The following UPF1 variants were observed in gnomAD, a reference collection of about 807,000 sequenced individuals.
UPF1 encodes the protein UPF1 RNA helicase and ATPase.
UPF1 carries 9 observed loss-of-function variants against 129.2 expected under a neutral mutation model. The observed-to-expected ratio is 0.07, with a 90% CI of 0.04 to 0.12. The LOEUF is 0.12. Ranked by LOEUF, UPF1 falls within the 10% of genes least tolerant of loss-of-function variation. The pLI, the probability that UPF1 is intolerant of heterozygous loss-of-function variation, is 1.00. For synonymous variants in UPF1, 649 were observed against 644.9 expected (o/e 1.01, Z -0.10); for missense variants, 788 against 1,525.3 (o/e 0.52, Z 8.05).
chr19:18,840,877 C>T (rs1256124781), intron 1 of UPF1, among the ~76,000 whole-genome samples: 1 of 152,166 alleles, frequency 6.6e-6, no homozygotes, highest in Non-Finnish European at 1.5e-5. Flanking sequence ...CTTCTCAGGT[C>T]CCGTGGGCCT....
At position 18,853,017 on chromosome 19, in the gene UPF1, C is replaced by T. The variant is rs781438255; in HGVS notation, c.1003C>T (p.Leu335=). ...TQDNITVRWD[L]GLNKKRIAYF... ...AGATAACATCACTGTCAGGTGGGAC[C>T]TGGGCCTTAACAAGAAGAGAATCGC... The change falls in exon 7 of 24, where the codon CTG becomes TTG. Residue 335 remains leucine, a synonymous_variant. Coordinates refer to ENST00000262803, the MANE Select transcript of UPF1 (RefSeq NM_002911.4). This position sits in a 1 kb window ranked among gnomAD's most constrained non-coding sequence, Gnocchi z 4.4. The T allele has an allele frequency of 6.2e-7, 1 of 1,614,030 alleles. No individual in the cohort carries two copies.
At chr19:18,847,946 G>T in intron 3 of UPF1, 113 bp downstream of exon 3, 2 of 1,120,988 alleles carry the variant, frequency 1.8e-6, no homozygotes, top group African/African-American at 1.5e-5. Context: ...ACAAACCTGG[G>T]TTTTTTCCTC....
Position 18,860,449 on chromosome 19 carries a change from A to G in UPF1, c.2300+11A>G. On this transcript the variant is annotated intron_variant, in intron 16 of 23. Coordinates refer to ENST00000262803, the MANE Select transcript of UPF1 (RefSeq NM_002911.4). Reference sequence around the variant, plus strand: ...CTCCTACCTGAACAGGTGAGCAGGGACAGGCCCACCGGCGTCTGCAGGTCT... The same window carrying G: ...CTCCTACCTGAACAGGTGAGCAGGGGCAGGCCCACCGGCGTCTGCAGGTCT... 6.2e-7 allele frequency: 1 copy of G among 1,612,266 alleles called. No individual in the cohort carries two copies. Among genetic ancestry groups the G allele is most frequent in the East Asian group, 2.2e-5 (1 of 44,880 alleles).
In UPF1 at chr19:18,855,258, C is replaced by T. The variant is rs771564645; in HGVS notation, c.1544+16C>T. The T allele has an allele frequency of 3.1e-6, 5 of 1,606,638 alleles. No individual in the cohort carries two copies. In the Admixed American group the frequency reaches 5.0e-5, roughly 16 times the overall value. ...AAGGCAACGGGTAGGGCTGACACGGCCCTTGCGGGCAAGACCCGGGAGGGC... is the reference window on the plus strand; with the variant it reads ...AAGGCAACGGGTAGGGCTGACACGGTCCTTGCGGGCAAGACCCGGGAGGGC... On this transcript the variant is annotated intron_variant, in intron 11 of 23. Coordinates refer to ENST00000262803, the MANE Select transcript of UPF1 (RefSeq NM_002911.4).
intron 18 of UPF1, 74 bp downstream of exon 18, chr19:18,862,226 T>G (rs1440714189): frequency 1.3e-6 from 2 of 1,575,098 alleles, no homozygotes; most frequent in Non-Finnish European, 1.7e-6. Flanking sequence ...GGGGCTAGGG[T>G]TGGGGGTTGC....
intron 17 of UPF1, 52 bp downstream of exon 17, chr19:18,861,034 G>A (rs1002676807): frequency 2.0e-6 from 3 of 1,512,390 alleles, no homozygotes; most frequent in African/African-American, 2.8e-5. Context: ...CAAGGGTATT[G>A]ACCCTTGACC....
intron 1 of UPF1, among the ~76,000 whole-genome samples, chr19:18,844,656 G>A (rs1171233882): frequency 6.6e-6 from 1 of 152,084 alleles, no homozygotes; most frequent in East Asian, 1.9e-4. Flanking sequence ...TCCCTGGTGA[G>A]GGGATAAGTT....
chr19:18,835,748 T>C (rs1177073192), intron 1 of UPF1, among the ~76,000 whole-genome samples: 1 of 152,242 alleles, frequency 6.6e-6, no homozygotes, highest in Non-Finnish European at 1.5e-5. Flanking sequence ...ATTTGGGTTG[T>C]TTCCACCTCT....
chr19:18,845,900 C>T, intron 1 of UPF1, 80 bp from the exon 2 acceptor site: 1 of 1,541,610 alleles, frequency 6.5e-7, no homozygotes, highest in Non-Finnish European at 8.7e-7. Context: ...GGTGTCACAC[C>T]AGAGTCATCG....
chr19:18,841,045 GGTGTTTGGTCAGAGCT>G (rs1464893897), intron 1 of UPF1, among the ~76,000 whole-genome samples: 1 of 152,222 alleles, frequency 6.6e-6, no homozygotes, highest in Non-Finnish European at 1.5e-5. Context: ...CCCAGGCAGA[GGTGTTTGGTCAGAGCT>G]GCGCTGCCTG....
rs1014381515 is a variant in UPF1 at position 18,850,391 on chromosome 19, C to T, written c.629+149C>T. On this transcript the variant is annotated intron_variant, in intron 4 of 23. Transcript: ENST00000262803. This position sits in a 1 kb window ranked among gnomAD's most constrained non-coding sequence, Gnocchi z 7.1. ...TTTGCTGAAGGGTGAGGCATGAGAG[C>T]GTTTAGGCGCTGAGGCTTGTTAAGG... 5.9e-6 allele frequency: 7 copies of T among 1,177,924 alleles called. No homozygotes were observed. The highest frequency in any genetic ancestry group is 7.0e-6 in the Non-Finnish European group (6 of 862,112). 73.0% of individuals were successfully genotyped at this position (1,177,924 alleles called of 1,614,324 possible).
At chr19:18,843,454 G>T (rs1163637222) in intron 1 of UPF1, among the ~76,000 whole-genome samples, 1 of 152,092 alleles carries the variant, frequency 6.6e-6, no homozygotes, top group Non-Finnish European at 1.5e-5. Context: ...TGGCACATTT[G>T]GGGGGATTTT....
intron 1 of UPF1, among the ~76,000 whole-genome samples, chr19:18,840,104 C>T (rs112146199): frequency 1.2e-3 from 185 of 151,484 alleles, no homozygotes; most frequent in Non-Finnish European, 2.3e-3. Context: ...ATGGCAGTGG[C>T]GGGGGTTAGG....
intron 1 of UPF1, among the ~76,000 whole-genome samples, chr19:18,844,417 G>T (rs187360105): frequency 6.6e-6 from 1 of 151,974 alleles, no homozygotes; most frequent in Admixed American, 6.5e-5. Flanking sequence ...TGCGCCTCCT[G>T]GGTTCAAGCA....
chr19:18,865,726 G>A lies in UPF1; in HGVS notation c.3185G>A (p.Ser1062Asn), dbSNP rs745977881. ...GALTQGYISM[S>N]QPSQMSQPGL... Reference sequence around the variant, plus strand: ...CTGACGCAGGGCTACATCTCCATGAGCCAGCCTTCCCAGATGAGCCAGCCC... The same window carrying A: ...CTGACGCAGGGCTACATCTCCATGAACCAGCCTTCCCAGATGAGCCAGCCC... Residue 1062 changes from serine to asparagine, a missense_variant, in exon 22 of 24, where the codon AGC becomes AAC. Ser to Asn is a conservative substitution (Grantham distance 46, BLOSUM62 1). This residue lies in a region of UPF1 where 218 missense variants were observed against 318.1 expected (regional missense o/e 0.69). Coordinates refer to ENST00000262803, the MANE Select transcript of UPF1 (RefSeq NM_002911.4). The surrounding 1 kb of genome is among the most constrained non-coding windows in gnomAD (Gnocchi z 6.1). 10 of 1,613,484 alleles carry A rather than the reference G, an allele frequency of 6.2e-6. No homozygotes were observed. The highest frequency in any genetic ancestry group is 8.5e-6 in the Non-Finnish European group (10 of 1,180,020).
rs772851939 is a variant in UPF1, at chr19:18,853,064, T to A, written c.1050T>A (p.Thr350=). 7 of 1,614,198 alleles carry A rather than the reference T, an allele frequency of 4.3e-6. No individual in the cohort carries two copies. The highest frequency in any genetic ancestry group is 8.5e-7 in the Non-Finnish European group (1 of 1,180,018). The change falls in exon 7 of 24, where the codon ACT becomes ACA. Residue 350 remains threonine, a synonymous_variant. Transcript: ENST00000262803. This position sits in a 1 kb window ranked among gnomAD's most constrained non-coding sequence, Gnocchi z 4.4. The part of the protein sequence containing the change: ...KRIAYFTLPK[T]DSDMRLMQGD... ...TCGCCTACTTCACTTTGCCCAAGACTGACTCTGGTAATGAGGATTTAGTCA... is the reference window on the plus strand; with the variant it reads ...TCGCCTACTTCACTTTGCCCAAGACAGACTCTGGTAATGAGGATTTAGTCA...
At position 18,863,477 on chromosome 19, in the gene UPF1, A is replaced by G; in HGVS notation, c.2640A>G (p.Ser880=). The change falls in exon 19 of 24, where the codon TCA becomes TCG. Residue 880 remains serine, a synonymous_variant. Coordinates refer to ENST00000262803, the MANE Select transcript of UPF1 (RefSeq NM_002911.4). ...VIIVGNPKAL[S]KQPLWNHLLN... ...TTGTGGGCAACCCGAAGGCACTATC[A>G]AAGCAGCCGCTCTGGAACCACCTGC... 6.2e-7 allele frequency: 1 copy of G among 1,613,842 alleles called. No homozygotes were observed.
chr19:18,851,374 G>A lies in UPF1; in HGVS notation c.810+506G>A, dbSNP rs2145951980. Among the ~76,000 whole-genome samples the A allele has an allele frequency of 6.6e-6, 1 of 152,358 alleles. No individual in the cohort carries two copies. The highest frequency in any genetic ancestry group is 3.4e-3 in the Middle Eastern group (1 of 294). ...CCACGGAAGCCTTTCTGTGCTTCCA[G>A]CTGTTTAGGATTTTGTGATAAAGTA... On this transcript the variant is annotated intron_variant, in intron 5 of 23. Transcript: ENST00000262803. This position sits in a 1 kb window ranked among gnomAD's most constrained non-coding sequence, Gnocchi z 4.2.
intron 1 of UPF1, among the ~76,000 whole-genome samples, chr19:18,833,990 GT>G (rs2055457042): frequency 6.6e-6 from 1 of 152,120 alleles, no homozygotes; most frequent in South Asian, 2.1e-4. Flanking sequence ...GTTTTTTTCA[GT>G]TTTGTTTACA....
Sources: allele counts gnomAD v4.1 joint callset (sites outside exome capture counted in the v4.1 genomes callset), GRCh38; gene constraint gnomAD v4.1.1; regional missense constraint gnomAD v4.1.1; non-coding constraint Gnocchi (gnomAD v3.1); transcripts MANE v1.5; gene names NCBI Gene and HGNC (gene_info 2026-07-23, HGNC 2026-07-21).